Variants in SH3RF3 observed in about 807,000 individuals in gnomAD.
SH3RF3 encodes the protein E3 ubiquitin-protein ligase SH3RF3.
SH3RF3 carries 29 observed loss-of-function variants against 66.3 expected under a neutral mutation model. The ratio of observed to expected loss-of-function variants is 0.44; its 90% CI spans 0.33 to 0.60. The LOEUF is 0.60. Among genes scored for constraint, SH3RF3 ranks in the 20% least tolerant of loss-of-function variants. The pLI, the probability that SH3RF3 is intolerant of heterozygous loss-of-function variation, is 0.04. For missense variants in SH3RF3, 1,194 were observed against 1,190.9 expected (o/e 1.00, Z -0.04); for synonymous variants, 583 against 532.0 (o/e 1.10, Z -1.32).
intron 7 of SH3RF3, among the ~76,000 whole-genome samples, chr2:109,446,863 A>G (rs1677719926): frequency 6.6e-6 from 1 of 152,180 alleles, no homozygotes; most frequent in Admixed American, 6.5e-5. Flanking sequence ...CCAGGGGCAC[A>G]GACCCTGGTG....
intron 2 of SH3RF3, among the ~76,000 whole-genome samples, chr2:109,369,905 G>A (rs1407122139): frequency 6.6e-6 from 1 of 152,214 alleles, no homozygotes; most frequent in African/African-American, 2.4e-5. Flanking sequence ...GCTGCTTTGT[G>A]TTACAGCATC....
At chr2:109,312,363 GTATAATACT>G (rs1330909883) in intron 1 of SH3RF3, among the ~76,000 whole-genome samples, 1 of 152,062 alleles carries the variant, frequency 6.6e-6, no homozygotes, top group Non-Finnish European at 1.5e-5. Flanking sequence ...TTTTATTGTG[GTATAATACT>G]TATAACATGA....
intron 2 of SH3RF3, among the ~76,000 whole-genome samples, chr2:109,365,197 C>T (rs372145698): frequency 4.6e-4 from 70 of 152,286 alleles, no homozygotes; most frequent in African/African-American, 1.5e-3. Flanking sequence ...GCCAGAAGCA[C>T]GAGTGGATTT....
chr2:109,478,109 G>A (rs1678737227), intron 8 of SH3RF3, among the ~76,000 whole-genome samples: 1 of 152,258 alleles, frequency 6.6e-6, no homozygotes, highest in African/African-American at 2.4e-5. Flanking sequence ...CAAGGGCTTT[G>A]AGCTCTGCAG....
intron 3 of SH3RF3, among the ~76,000 whole-genome samples, chr2:109,380,671 C>T (rs983796501): frequency 3.9e-5 from 6 of 152,182 alleles, no homozygotes; most frequent in Non-Finnish European, 7.3e-5. Flanking sequence ...GGCCACAGCC[C>T]ACCTTAAATG....
At chr2:109,334,194 A>C (rs1195808162) in intron 1 of SH3RF3, among the ~76,000 whole-genome samples, 1 of 152,096 alleles carries the variant, frequency 6.6e-6, no homozygotes, top group Non-Finnish European at 1.5e-5. Context: ...CGTCCCTACA[A>C]AAAAATAGAA....
At chr2:109,465,872 T>C (rs1678327770) in intron 8 of SH3RF3, among the ~76,000 whole-genome samples, 2 of 152,098 alleles carry the variant, frequency 1.3e-5, no homozygotes. Flanking sequence ...AAGGAGACGG[T>C]GTTAAACCAT....
At chr2:109,236,967 T>C (rs977789942) in intron 1 of SH3RF3, among the ~76,000 whole-genome samples, 1 of 152,120 alleles carries the variant, frequency 6.6e-6, no homozygotes, top group Non-Finnish European at 1.5e-5. Context: ...CCTAAGGGTT[T>C]AATATTAAAG....
chr2:109,141,889 G>T (rs1349769934), intron 1 of SH3RF3, among the ~76,000 whole-genome samples: 1 of 152,082 alleles, frequency 6.6e-6, no homozygotes, highest in Admixed American at 6.5e-5. Flanking sequence ...GCTGTCGGCT[G>T]CCTGCTTCTC....
chr2:109,412,113 C>T (rs1055602660), intron 4 of SH3RF3, among the ~76,000 whole-genome samples: 12 of 152,200 alleles, frequency 7.9e-5, no homozygotes, highest in Non-Finnish European at 1.5e-4. Flanking sequence ...GCAGGGCAGT[C>T]GGTGGATGCC....
intron 1 of SH3RF3, among the ~76,000 whole-genome samples, chr2:109,340,171 G>A (rs1331577812): frequency 6.6e-6 from 1 of 152,128 alleles, no homozygotes. Context: ...AGGTTGGGAG[G>A]TCAGACCACC....
intron 4 of SH3RF3, among the ~76,000 whole-genome samples, chr2:109,406,934 C>T (rs1676467581): frequency 6.6e-6 from 1 of 152,254 alleles, no homozygotes; most frequent in South Asian, 2.1e-4. Flanking sequence ...CCAGGTGCCA[C>T]TTCCCTGCAA....
intron 1 of SH3RF3, among the ~76,000 whole-genome samples, chr2:109,300,509 C>T (rs1394622972): frequency 6.6e-6 from 1 of 152,108 alleles, no homozygotes; most frequent in African/African-American, 2.4e-5. Flanking sequence ...CAGGTAAGCC[C>T]TTGAGTGAGG....
chr2:109,155,155 G>C (rs1053974986), intron 1 of SH3RF3, among the ~76,000 whole-genome samples: 1 of 152,202 alleles, frequency 6.6e-6, no homozygotes, highest in African/African-American at 2.4e-5. Flanking sequence ...ATGTTCGGTG[G>C]TGTTCGGCAT....
intron 1 of SH3RF3, among the ~76,000 whole-genome samples, chr2:109,308,001 T>C (rs1360050260): frequency 7.0e-6 from 1 of 143,312 alleles, no homozygotes; most frequent in Non-Finnish European, 1.5e-5. Flanking sequence ...ATCGCCACAC[T>C]GACTTCCACA....
At position 109,272,290 on chromosome 2, in the gene SH3RF3, G is replaced by T. The variant is rs77756658; in HGVS notation, c.574-75384G>T. ...ATTGCCCAACCAAAAACTGGGTCTT[G>T]GAGCTGATGGCTACACATCCCCTGA... On this transcript the variant is annotated intron_variant, in intron 1 of 9. Coordinates refer to ENST00000309415, the MANE Select transcript of SH3RF3 (RefSeq NM_001099289.3). 8.1e-3 allele frequency among the ~76,000 whole-genome samples: 1,233 copies of T among 152,340 alleles called. 12 individuals carry two copies. The highest frequency in any genetic ancestry group is 0.037 in the East Asian group (194 of 5,184).
At chr2:109,280,460 G>A (rs992201288) in intron 1 of SH3RF3, among the ~76,000 whole-genome samples, 6 of 152,280 alleles carry the variant, frequency 3.9e-5, no homozygotes, top group South Asian at 2.1e-4. Flanking sequence ...GAAGGGGAGC[G>A]GTGGGGAATC....
intron 1 of SH3RF3, among the ~76,000 whole-genome samples, chr2:109,188,987 A>T (rs1346405790): frequency 6.6e-6 from 1 of 151,946 alleles, no homozygotes; most frequent in Non-Finnish European, 1.5e-5. Flanking sequence ...TGTGAAATGG[A>T]AGCTGCTTCT....
chr2:109,235,133 G>T (rs1488974182), intron 1 of SH3RF3, among the ~76,000 whole-genome samples: 1 of 152,172 alleles, frequency 6.6e-6, no homozygotes, highest in Non-Finnish European at 1.5e-5. Flanking sequence ...TGGGAGGGGG[G>T]CCCTGGGAAG....
Sources: allele counts gnomAD v4.1 joint callset (sites outside exome capture counted in the v4.1 genomes callset), GRCh38; gene constraint gnomAD v4.1.1; transcripts MANE v1.5; gene names NCBI Gene and HGNC (gene_info 2026-07-23, HGNC 2026-07-21).